Variants in GRIK2 observed in about 807,000 individuals in gnomAD.
The protein encoded by GRIK2 is glutamate ionotropic receptor kainate type subunit 2.
Under a neutral mutation model 100.3 loss-of-function variants are expected in GRIK2, and 32 were observed. That is an observed-to-expected ratio of 0.32 (90% confidence interval 0.24 to 0.43). The LOEUF (loss-of-function observed/expected upper bound fraction) is 0.43, where lower values mean the gene tolerates loss of function less well. Ranked by LOEUF, GRIK2 falls within the 20% of genes least tolerant of loss-of-function variation. GRIK2 has a pLI of 1.00. For synonymous variants in GRIK2, 417 were observed against 389.4 expected (o/e 1.07, Z -0.83); for missense variants, 843 against 1,114.9 (o/e 0.76, Z 3.47).
chr6:101,700,677 G>A (rs1282383615), intron 7 of GRIK2, among the ~76,000 whole-genome samples: 1 of 152,078 alleles, frequency 6.6e-6, no homozygotes, highest in Admixed American at 6.6e-5. Context: ...GATTAGTAAG[G>A]TTAAGGCTGA....
chr6:101,523,497 A>G (rs1349391153), intron 2 of GRIK2, among the ~76,000 whole-genome samples: 2 of 152,160 alleles, frequency 1.3e-5, no homozygotes, highest in Admixed American at 6.5e-5. Context: ...TCTTAAAGCT[A>G]GGAATATCCA....
chr6:102,020,356 T>C (rs1769361910), intron 14 of GRIK2, among the ~76,000 whole-genome samples: 1 of 151,862 alleles, frequency 6.6e-6, no homozygotes, highest in African/African-American at 2.4e-5. Context: ...GGAAGAGATA[T>C]TGGGATCAAC....
intron 11 of GRIK2, among the ~76,000 whole-genome samples, chr6:101,874,582 T>C (rs1322950519): frequency 6.6e-6 from 1 of 152,190 alleles, no homozygotes; most frequent in Non-Finnish European, 1.5e-5. Flanking sequence ...CAATGCAGGC[T>C]CTTTTTTGGT....
intron 14 of GRIK2, among the ~76,000 whole-genome samples, chr6:102,018,032 C>T (rs1291046691): frequency 2.0e-5 from 3 of 152,112 alleles, no homozygotes; most frequent in Non-Finnish European, 4.4e-5. Context: ...CTTGTTCTGA[C>T]AATTGTTCAG....
intron 10 of GRIK2, among the ~76,000 whole-genome samples, chr6:101,851,674 T>C (rs1784134161): frequency 6.6e-6 from 1 of 151,892 alleles, no homozygotes; most frequent in Non-Finnish European, 1.5e-5. Context: ...GTGTATTTTA[T>C]ATTTACTATT....
intron 2 of GRIK2, among the ~76,000 whole-genome samples, chr6:101,506,284 A>G (rs1774022856): frequency 6.6e-6 from 1 of 152,156 alleles, no homozygotes; most frequent in Admixed American, 6.6e-5. Context: ...AAGTAAAAGA[A>G]GTTGGACTAA....
At chr6:101,587,471 G>T (rs1458150168) in intron 2 of GRIK2, among the ~76,000 whole-genome samples, 1 of 151,948 alleles carries the variant, frequency 6.6e-6, no homozygotes, top group Non-Finnish European at 1.5e-5. Context: ...CCACCTATCT[G>T]AAATAGGATT....
intron 11 of GRIK2, among the ~76,000 whole-genome samples, chr6:101,860,071 C>G (rs1378053004): frequency 6.6e-6 from 1 of 151,824 alleles, no homozygotes; most frequent in Admixed American, 6.6e-5. Flanking sequence ...CTCCATCCCT[C>G]TTTCTTAAGA....
At chr6:101,925,833 G>T (rs1789852992) in intron 13 of GRIK2, among the ~76,000 whole-genome samples, 1 of 151,886 alleles carries the variant, frequency 6.6e-6, no homozygotes, top group South Asian at 2.1e-4. Context: ...TCGTGCTATT[G>T]CATGTTTAAT....
At chr6:102,009,958 G>T (rs958516377) in intron 14 of GRIK2, among the ~76,000 whole-genome samples, 3 of 152,188 alleles carry the variant, frequency 2.0e-5, no homozygotes, top group African/African-American at 7.2e-5. Flanking sequence ...ATGCTTGAGT[G>T]CAATATGTAA....
intron 2 of GRIK2, among the ~76,000 whole-genome samples, chr6:101,539,174 T>C (rs146774029): frequency 2.2e-3 from 331 of 151,924 alleles, no homozygotes; most frequent in Middle Eastern, 6.8e-3. Context: ...TAAAAGCTTC[T>C]GAAGGCCAGT....
chr6:101,794,070 A>C, intron 7 of GRIK2, among the ~76,000 whole-genome samples: 1 of 152,162 alleles, frequency 6.6e-6, no homozygotes, highest in South Asian at 2.1e-4. Flanking sequence ...AGAAAAGCGC[A>C]GTATTCGGGT....
At chr6:101,838,651 C>T (rs1562428837) in intron 10 of GRIK2, among the ~76,000 whole-genome samples, 5 of 140,876 alleles carry the variant, frequency 3.5e-5, no homozygotes, top group Non-Finnish European at 7.4e-5. Context: ...TCTATTAATA[C>T]AACTTTTTTT....
At chr6:101,531,046 A>G (rs1031286949) in intron 2 of GRIK2, among the ~76,000 whole-genome samples, 1 of 152,020 alleles carries the variant, frequency 6.6e-6, no homozygotes, top group African/African-American at 2.4e-5. Flanking sequence ...CATTGTATGT[A>G]GGAAAACAAA....
chr6:101,754,313 A>G (rs6927157), intron 7 of GRIK2, among the ~76,000 whole-genome samples: 1,590 of 152,310 alleles, frequency 0.01, 34 homozygotes, highest in African/African-American at 0.036. Context: ...GAAAGGCAAT[A>G]TGTGCCTGAG....
At chr6:101,425,070 G>A (rs1277884021) in intron 2 of GRIK2, among the ~76,000 whole-genome samples, 1 of 148,664 alleles carries the variant, frequency 6.7e-6, no homozygotes, top group Non-Finnish European at 1.5e-5. Context: ...TATCATTGTT[G>A]GACATGTGGG....
Position 101,487,862 on chromosome 6 carries a change from A to C in GRIK2, c.115+88470A>C, listed in dbSNP as rs1288922996. ...CAGACTTAGAATATATATTTTTAAG[A>C]ATCACATAGAAAATCACACATTAAC... On this transcript the variant is annotated intron_variant, in intron 2 of 16. Coordinates refer to ENST00000369134, the MANE Select transcript of GRIK2 (RefSeq NM_021956.5). 1.4e-5 allele frequency among the ~76,000 whole-genome samples: 2 copies of C among 146,442 alleles called. 1 individual carries two copies. Among genetic ancestry groups the C allele is most frequent in the Non-Finnish European group, 3.0e-5 (2 of 66,470 alleles).
intron 14 of GRIK2, among the ~76,000 whole-genome samples, chr6:102,010,759 C>T (rs930717624): frequency 2.3e-4 from 35 of 151,634 alleles, no homozygotes; most frequent in African/African-American, 8.2e-4. Flanking sequence ...TCCAGAATAT[C>T]ATACAGTTAG....
intron 7 of GRIK2, among the ~76,000 whole-genome samples, chr6:101,799,226 A>G (rs1199470932): frequency 1.3e-5 from 2 of 152,022 alleles, no homozygotes; most frequent in African/African-American, 2.4e-5. Flanking sequence ...ACTTACTTTT[A>G]TATAGAATAT....
Sources: allele counts gnomAD v4.1 joint callset (sites outside exome capture counted in the v4.1 genomes callset), GRCh38; gene constraint gnomAD v4.1.1; transcripts MANE v1.5; gene names NCBI Gene and HGNC (gene_info 2026-07-23, HGNC 2026-07-21).